The following OSR2 variants were observed in gnomAD, a reference collection of about 807,000 sequenced individuals.
OSR2 encodes protein odd-skipped-related 2.
Under a neutral mutation model 22.3 loss-of-function variants are expected in OSR2, and 8 were observed. That is an observed-to-expected ratio of 0.36 (90% CI 0.21 to 0.65). The LOEUF (loss-of-function observed/expected upper bound fraction) is 0.65, where lower values mean the gene tolerates loss of function less well. OSR2 is among the 30% of genes least tolerant of loss of function. OSR2 has a pLI of 0.66. For synonymous variants in OSR2, 179 were observed against 173.8 expected (o/e 1.03, Z -0.23); for missense variants, 311 against 413.4 (o/e 0.75, Z 2.15).
rs1840796295 is a variant in OSR2 at position 98,951,915 on chromosome 8, T to C, written c.*214T>C. Reference sequence around the variant, plus strand: ...ACTACATCCCTTCACAAAGAGTATATGCTAGTTTCTTGTAGATATTCACAG... The same window carrying C: ...ACTACATCCCTTCACAAAGAGTATACGCTAGTTTCTTGTAGATATTCACAG... On this transcript the variant is annotated 3_prime_UTR_variant, in exon 4 of 4. Coordinates refer to ENST00000297565, the MANE Select transcript of OSR2 (RefSeq NM_001142462.3). 4 of 517,694 alleles carry C rather than the reference T, an allele frequency of 7.7e-6. No individual in the cohort carries two copies. The highest frequency in any genetic ancestry group is 3.4e-5 in the South Asian group (1 of 29,584). The allele number at this position is 517,694 out of a possible 1,614,324, so 32.1% of individuals were successfully genotyped here. A position where few individuals can be genotyped will look rare whatever the true frequency, so the allele number is the denominator to read the frequency against.
At position 98,949,192 on chromosome 8, in the gene OSR2, C is replaced by T. The variant is rs765881456; in HGVS notation, c.240C>T (p.Asp80=). The change falls in exon 2 of 4, where the codon GAC becomes GAT. Residue 80 remains aspartate (D), a synonymous_variant. Transcript: ENST00000297565. This position sits in a 1 kb window ranked among gnomAD's most constrained non-coding sequence, Gnocchi z 5.9. ...TGGCGGCGGCGCAGGGCCTCGTGGA[C>T]GCGCGCTTCCCCTTCCCGGCCCTGC... is the stretch of plus-strand genomic sequence containing the variant. ...TEMAAAQGLV[D]ARFPFPALPF... is the part of the protein sequence containing the mutation. The T allele has an allele frequency of 5.2e-5, 83 of 1,592,724 alleles. No homozygotes were observed. The highest frequency in any genetic ancestry group is 7.0e-5 in the Non-Finnish European group (82 of 1,168,792).
chr8:98,949,427 C>T lies in OSR2; in HGVS notation c.475C>T (p.Pro159Ser), dbSNP rs200456742. ...CAGTAAATTGACTCCGGACAGAAAG[C>T]CCTCTCGAGGAAGGTTGCCCTCCAA... Reference protein sequence around the residue: ...GLSKLTPDRKPSRGRLPSKTK... With the variant: ...GLSKLTPDRKSSRGRLPSKTK... The change falls in exon 2 of 4, where the codon CCC (proline) becomes TCC (serine). Residue 159 changes from proline (P) to serine (S), a missense_variant. Around this residue, in one of 5 missense-constraint regions of OSR2, gnomAD observed 53 missense variants for 59.5 expected, o/e 0.89. Coordinates refer to ENST00000297565, the MANE Select transcript of OSR2 (RefSeq NM_001142462.3). This position sits in a 1 kb window ranked among gnomAD's most constrained non-coding sequence, Gnocchi z 5.9. 658 of 1,613,884 alleles carry T rather than the reference C, an allele frequency of 4.1e-4. No individual in the cohort carries two copies. Among genetic ancestry groups the T allele is most frequent in the Non-Finnish European group, 5.1e-4 (607 of 1,179,872 alleles).
intron 1 of OSR2, chr8:98,946,446 G>A (rs1389386856): frequency 6.6e-6 from 1 of 152,186 alleles, no homozygotes; most frequent in Non-Finnish European, 1.5e-5. Context: ...AGCCATTGGT[G>A]GATATTTAAG....
chr8:98,948,171 A>T lies in OSR2; in HGVS notation c.-114-668A>T, dbSNP rs1328428860. The T allele has an allele frequency of 4.3e-6, 6 of 1,388,694 alleles. No individual in the cohort carries two copies. The highest frequency in any genetic ancestry group is 5.6e-6 in the Non-Finnish European group (6 of 1,074,962). 86.0% of individuals were successfully genotyped at this position (1,388,694 alleles called of 1,614,324 possible). ...TTTCCTGCGGCCCGTCACCGCTGAT[A>T]GATGGGGCTGAGGGCAGAGGAAGGA... On this transcript the variant is annotated intron_variant, in intron 1 of 3. Transcript: ENST00000297565. This position sits in a 1 kb window ranked among gnomAD's most constrained non-coding sequence, Gnocchi z 6.0.
chr8:98,948,569 T>A lies in OSR2; in HGVS notation c.-114-270T>A. The A allele has an allele frequency of 8.7e-7, 1 of 1,152,460 alleles. No individual in the cohort carries two copies. Among genetic ancestry groups the A allele is most frequent in the Non-Finnish European group, 1.2e-6 (1 of 847,632 alleles). The allele number at this position is 1,152,460 out of a possible 1,614,324, so 71.4% of individuals were successfully genotyped here. A position where few individuals can be genotyped will look rare whatever the true frequency, so the allele number is the denominator to read the frequency against. ...TTCCTGGGACCGAGGAGTCTTCCGC[T>A]CCGTATCTGCCTAGAGTCTGAATCC... On this transcript the variant is annotated intron_variant, in intron 1 of 3. Transcript: ENST00000297565. This position sits in a 1 kb window ranked among gnomAD's most constrained non-coding sequence, Gnocchi z 6.0.
chr8:98,947,328 C>A (rs993762566), intron 1 of OSR2, among the ~76,000 whole-genome samples: 4 of 152,052 alleles, frequency 2.6e-5, no homozygotes, highest in Non-Finnish European at 5.9e-5. Context: ...TAGCGTAGCC[C>A]CCTAAGTCTG....
chr8:98,950,616 G>A (rs370016473), intron 2 of OSR2, 40 bp from the exon 3 acceptor site: 2 of 1,358,042 alleles, frequency 1.5e-6, no homozygotes. Flanking sequence ...CTTCACCATG[G>A]GGCAAAGTTA....
At chr8:98,947,817 C>T (rs867644406) in intron 1 of OSR2, among the ~76,000 whole-genome samples, 2 of 152,186 alleles carry the variant, frequency 1.3e-5, no homozygotes, top group Non-Finnish European at 2.9e-5. Context: ...TCCCCTGCAG[C>T]TCCTTTCCTC....
intron 1 of OSR2, among the ~76,000 whole-genome samples, chr8:98,947,136 A>G (rs2132082277): frequency 6.6e-6 from 1 of 151,616 alleles, no homozygotes; most frequent in Non-Finnish European, 1.5e-5. Context: ...TTGCGGTTGA[A>G]TGGTCTGACT....
Position 98,949,684 on chromosome 8 carries a change from C to G in OSR2, c.656+76C>G. The G allele has an allele frequency of 6.7e-7, 1 of 1,489,266 alleles. No homozygotes were observed. The highest frequency in any genetic ancestry group is 2.3e-5 in the East Asian group (1 of 43,896). The allele number at this position is 1,489,266 out of a possible 1,614,324, so 92.3% of individuals were successfully genotyped here. On this transcript the variant is annotated intron_variant, in intron 2 of 3. Transcript: ENST00000297565. The surrounding 1 kb of genome is among the most constrained non-coding windows in gnomAD (Gnocchi z 5.9). ...GACACACCGAGTCCTGATAGACATT[C>G]CCAGTGTCATTATAATCCCCTGTGA...
rs1389548487 is a variant in OSR2, at chr8:98,948,303, A to G, written c.-114-536A>G. Reference sequence around the variant, plus strand: ...CTTCGCTCTTGCACGCCGGCTTGCCATCCGGGTAAGCGCGGGAAAGGCGGC... The same window carrying G: ...CTTCGCTCTTGCACGCCGGCTTGCCGTCCGGGTAAGCGCGGGAAAGGCGGC... On this transcript the variant is annotated intron_variant, in intron 1 of 3. Coordinates refer to ENST00000297565, the MANE Select transcript of OSR2 (RefSeq NM_001142462.3). This position sits in a 1 kb window ranked among gnomAD's most constrained non-coding sequence, Gnocchi z 6.0. The G allele has an allele frequency of 1.3e-6, 2 of 1,524,448 alleles. No homozygotes were observed. Among genetic ancestry groups the G allele is most frequent in the Non-Finnish European group, 8.8e-7 (1 of 1,140,272 alleles). The allele number at this position is 1,524,448 out of a possible 1,614,324, so 94.4% of individuals were successfully genotyped here.
At chr8:98,950,387 G>A (rs368654842) in intron 2 of OSR2, among the ~76,000 whole-genome samples, 1 of 152,182 alleles carries the variant, frequency 6.6e-6, no homozygotes, top group Non-Finnish European at 1.5e-5. Context: ...TGGAGGCCAA[G>A]AAAGGCCCGT....
At position 98,950,759 on chromosome 8, in the gene OSR2, A is replaced by G; in HGVS notation, c.756+4A>G. ...TCACAAAACTTTACACATGCAGGTA[A>G]GTTTGTTTTCTTGTTTAAAAACAGT... On this transcript the variant is annotated splice_donor_region_variant and intron_variant, in intron 3 of 3. Coordinates refer to ENST00000297565, the MANE Select transcript of OSR2 (RefSeq NM_001142462.3). 3 of 1,600,816 alleles carry G rather than the reference A, an allele frequency of 1.9e-6. No homozygotes were observed. The highest frequency in any genetic ancestry group is 2.6e-6 in the Non-Finnish European group (3 of 1,169,796).
Position 98,948,360 on chromosome 8 carries a change from A to T in OSR2, c.-114-479A>T, listed in dbSNP as rs1027382306. The T allele has an allele frequency of 9.2e-6, 14 of 1,516,032 alleles. No homozygotes were observed. The highest frequency in any genetic ancestry group is 1.1e-5 in the Non-Finnish European group (13 of 1,135,698). 93.9% of individuals were successfully genotyped at this position (1,516,032 alleles called of 1,614,324 possible). A position where few individuals can be genotyped will look rare whatever the true frequency, so the allele number is the denominator to read the frequency against. On this transcript the variant is annotated intron_variant, in intron 1 of 3. Transcript: ENST00000297565. This position sits in a 1 kb window ranked among gnomAD's most constrained non-coding sequence, Gnocchi z 6.0. ...GCGCGGCGGCAGCGCAGCGCGTGGG[A>T]TCTCACGACCCATCCGTTAACCCAC...
Position 98,949,537 on chromosome 8 carries a change from G to A in OSR2, c.585G>A (p.Thr195=), listed in dbSNP as rs1375277726. ...TGCTCATCCATGAGAGGACCCACAC[G>A]GACGAGAGGCCGTACACGTGTGACA... ...YNLLIHERTH[T]DERPYTCDIC... The change falls in exon 2 of 4, where the codon ACG becomes ACA. Residue 195 remains threonine, a synonymous_variant. Coordinates refer to ENST00000297565, the MANE Select transcript of OSR2 (RefSeq NM_001142462.3). The surrounding 1 kb of genome is among the most constrained non-coding windows in gnomAD (Gnocchi z 5.9). 5 of 1,614,138 alleles carry A rather than the reference G, an allele frequency of 3.1e-6. No homozygotes were observed. In the East Asian group the frequency reaches 1.1e-4, roughly 36 times the overall value.
chr8:98,950,922 G>A, intron 3 of OSR2, 167 bp downstream of exon 3: 1 of 640,656 alleles, frequency 1.6e-6, no homozygotes. Context: ...AATTAATCTT[G>A]TTTAACATAA....
rs574539426 is a variant in OSR2 at position 98,948,829 on chromosome 8, C to T, written c.-114-10C>T. ...TCACGGTCTCTCCCTCTCTTCCCTG[C>T]CATTTTTAGGGCTTTCTCTACGTGC... On this transcript the variant is annotated splice_polypyrimidine_tract_variant and intron_variant, in intron 1 of 3. Coordinates refer to ENST00000297565, the MANE Select transcript of OSR2 (RefSeq NM_001142462.3). This position sits in a 1 kb window ranked among gnomAD's most constrained non-coding sequence, Gnocchi z 6.0. The T allele has an allele frequency of 5.7e-6, 9 of 1,572,038 alleles. No individual in the cohort carries two copies. The East Asian group carries it at 9.3e-5, about 16-fold the overall frequency.
rs980082271 is a variant in OSR2 at position 98,948,750 on chromosome 8, G to A, written c.-114-89G>A. 6.4e-6 allele frequency: 9 copies of A among 1,396,764 alleles called. No homozygotes were observed. Among genetic ancestry groups the A allele is most frequent in the South Asian group, 1.4e-5 (1 of 69,218 alleles). 86.5% of individuals were successfully genotyped at this position (1,396,764 alleles called of 1,614,324 possible). On this transcript the variant is annotated intron_variant, in intron 1 of 3. Coordinates refer to ENST00000297565, the MANE Select transcript of OSR2 (RefSeq NM_001142462.3). The surrounding 1 kb of genome is among the most constrained non-coding windows in gnomAD (Gnocchi z 6.0). ...GAGTCGGGTGGGGAGGGAGACTTAG[G>A]TGTGGTAACCTGCGCAGGTGCCAAA...
chr8:98,951,668 C>T lies in OSR2; in HGVS notation c.906C>T (p.His302=), dbSNP rs895173449. ...VFRRNCDLRR[H]SLTHTPRQDF is the part of the protein sequence containing the mutation. Reference sequence around the variant, plus strand: ...GGCGAAACTGTGATCTGCGGCGGCACAGCCTGACTCACACCCCGCGGCAGG... The same window carrying T: ...GGCGAAACTGTGATCTGCGGCGGCATAGCCTGACTCACACCCCGCGGCAGG... The change falls in exon 4 of 4, where the codon CAC becomes CAT. Residue 302 remains histidine (H), a synonymous_variant. Coordinates refer to ENST00000297565, the MANE Select transcript of OSR2 (RefSeq NM_001142462.3). 12 of 1,613,672 alleles carry T rather than the reference C, an allele frequency of 7.4e-6. No homozygotes were observed. Among genetic ancestry groups the T allele is most frequent in the Admixed American group, 6.7e-5 (4 of 59,992 alleles).
Sources: gnomAD v4.1 joint callset for allele counts (sites outside exome capture counted in the v4.1 genomes callset) on GRCh38, gnomAD v4.1.1 for gene constraint, gnomAD v4.1.1 regional missense constraint, Gnocchi (gnomAD v3.1) non-coding constraint, MANE v1.5 for transcripts, NCBI Gene and HGNC (gene_info 2026-07-23, HGNC 2026-07-21) for gene names.